DERA: variants seen among roughly 807,000 people sequenced by gnomAD.
The protein encoded by DERA is 2-deoxy-D-ribose 5-phosphate aldolase.
A neutral mutation model predicts 41.1 loss-of-function variants in DERA; 15 were observed. The ratio of observed to expected loss-of-function variants is 0.37; its 90% CI spans 0.24 to 0.56. The LOEUF (loss-of-function observed/expected upper bound fraction) is 0.56. DERA is among the 20% of genes least tolerant of loss of function. DERA has a pLI of 0.81. For missense variants in DERA, 396 were observed against 403.4 expected (o/e 0.98, Z 0.16); for synonymous variants, 139 against 137.4 (o/e 1.01, Z -0.08).
chr12:15,911,846 C>G lies in DERA; in HGVS notation c.31+432C>G. The G allele has an allele frequency of 2.2e-6, 1 of 452,646 alleles. No homozygotes were observed. Among genetic ancestry groups the G allele is most frequent in the South Asian group, 1.6e-5 (1 of 63,578 alleles). The allele number at this position is 452,646 out of a possible 1,614,324, so 28.0% of individuals were successfully genotyped here. A position where few individuals can be genotyped will look rare whatever the true frequency, so the allele number is the denominator to read the frequency against. On this transcript the variant is annotated intron_variant, in intron 1 of 8. Transcript: ENST00000428559. This position sits in a 1 kb window ranked among gnomAD's most constrained non-coding sequence, Gnocchi z 4.5. ...TTCCGTAGATAATTTTAACCGTAAC[C>G]TTGAAGTGGCCGTGCTCGTGGAAAA...
intron 4 of DERA, among the ~76,000 whole-genome samples, chr12:15,960,274 A>G (rs1197188786): frequency 6.7e-6 from 1 of 150,358 alleles, no homozygotes; most frequent in Non-Finnish European, 1.5e-5. Context: ...AACTATATAT[A>G]TAACTATATA....
rs2136146540 is a variant in DERA at position 15,956,992 on chromosome 12, G to A, written c.88G>A (p.Glu30Lys). 3 of 1,613,936 alleles carry A rather than the reference G, an allele frequency of 1.9e-6. No homozygotes were observed. In the East Asian group the frequency reaches 6.7e-5, roughly 36 times the overall value. Residue 30 changes from glutamate to lysine, a missense_variant, in exon 2 of 9, where the codon GAA (glutamate) becomes AAA (lysine). Coordinates refer to ENST00000428559, the MANE Select transcript of DERA (RefSeq NM_015954.4). Reference protein sequence around the residue: ...VNHPAVLRRAEQIQARRTVKK... With the variant: ...VNHPAVLRRAKQIQARRTVKK... Reference sequence around the variant, plus strand: ...TCACCCGGCAGTTCTGAGGCGTGCGGAACAAATCCAGGCTCGCAGAACCGT... The same window carrying A: ...TCACCCGGCAGTTCTGAGGCGTGCGAAACAAATCCAGGCTCGCAGAACCGT...
Position 15,987,230 on chromosome 12 carries a change from CTTTTTTTTTTTTTT to C in DERA, c.637+4805_637+4818del, listed in dbSNP as rs995016192. 2.2e-3 allele frequency among the ~76,000 whole-genome samples: 185 copies of C among 85,368 alleles called. 1 individual carries two copies. Among genetic ancestry groups the C allele is most frequent in the African/African-American group, 6.8e-3 (151 of 22,144 alleles). 56.0% of individuals were successfully genotyped at this position (85,368 alleles called of 152,430 possible). On this transcript the variant is annotated intron_variant, in intron 6 of 8. Transcript: ENST00000428559. ...ACGTTTTCAAAACCATATATATGTACTTTTTTTTTTTTTTTTTTTTTTTTGAGACATAGTCTGGC... is the reference window on the plus strand; with the variant it reads ...ACGTTTTCAAAACCATATATATGTACTTTTTTTTTTGAGACATAGTCTGGC...
intron 1 of DERA, among the ~76,000 whole-genome samples, chr12:15,950,348 T>G (rs1948488214): frequency 6.6e-6 from 1 of 152,198 alleles, no homozygotes; most frequent in Admixed American, 6.5e-5. Flanking sequence ...GCCATGGCAT[T>G]TGTAAACTGT....
chr12:15,919,042 A>G (rs1948222575), intron 1 of DERA, among the ~76,000 whole-genome samples: 2 of 152,286 alleles, frequency 1.3e-5, no homozygotes, highest in South Asian at 4.1e-4. Flanking sequence ...AATTATGTAC[A>G]TTTTAGATTT....
At chr12:16,023,269 G>A (rs956667338) in intron 6 of DERA, among the ~76,000 whole-genome samples, 1 of 152,022 alleles carries the variant, frequency 6.6e-6, no homozygotes, top group African/African-American at 2.4e-5. Flanking sequence ...GAATAAAGAG[G>A]GGAGATAAAA....
chr12:15,968,167 CATACAACA>C (rs1215631912), intron 5 of DERA, among the ~76,000 whole-genome samples: 1 of 151,204 alleles, frequency 6.6e-6, no homozygotes, highest in African/African-American at 2.4e-5. Flanking sequence ...GTTGAATTTA[CATACAACA>C]ATGTACGTAA....
Position 16,003,272 on chromosome 12 carries a change from AATC to A in DERA, c.637+20839_637+20841del. ...CTGGTGTTCTTTTTATAAGGACACT[AATC>A]ATATTGCAGTAGGAGCCTACCGTAC... On this transcript the variant is annotated intron_variant, in intron 6 of 8. Coordinates refer to ENST00000428559, the MANE Select transcript of DERA (RefSeq NM_015954.4). The surrounding 1 kb of genome is among the most constrained non-coding windows in gnomAD (Gnocchi z 4.8). Among the ~76,000 whole-genome samples the A allele has an allele frequency of 6.6e-6, 1 of 152,114 alleles. No homozygotes were observed. Among genetic ancestry groups the A allele is most frequent in the East Asian group, 1.9e-4 (1 of 5,178 alleles).
chr12:15,933,768 C>CTA (rs2136131762), intron 1 of DERA, among the ~76,000 whole-genome samples: 1 of 152,240 alleles, frequency 6.6e-6, no homozygotes, highest in African/African-American at 2.4e-5. Context: ...TTAATTTCTA[C>CTA]TAATCTATCA....
At chr12:16,007,189 G>GTTTT (rs11287161) in intron 6 of DERA, among the ~76,000 whole-genome samples, 1 of 105,010 alleles carries the variant, frequency 9.5e-6, no homozygotes, top group Non-Finnish European at 2.2e-5. Flanking sequence ...TTTTTTTTTT[G>GTTTT]TTTTTTTTTT....
Position 15,967,464 on chromosome 12 carries a change from C to T in DERA, c.508+4517C>T, listed in dbSNP as rs11609537. 0.31 allele frequency among the ~76,000 whole-genome samples: 46,988 copies of T among 152,058 alleles called. 8,111 individuals carry two copies. The highest frequency in any genetic ancestry group is 0.69 in the East Asian group (3,551 of 5,154). On this transcript the variant is annotated intron_variant, in intron 5 of 8. Coordinates refer to ENST00000428559, the MANE Select transcript of DERA (RefSeq NM_015954.4). The surrounding 1 kb of genome is among the most constrained non-coding windows in gnomAD (Gnocchi z 4.9). The stretch of plus-strand genomic sequence containing the variant: ...AACAAAAACTATTAAAAAGTGTTTT[C>T]ATTTCCCTGACTTTCTTAACAATTT...
intron 6 of DERA, 47 bp from the exon 7 acceptor site, chr12:16,032,495 A>C: frequency 8.8e-7 from 1 of 1,132,408 alleles, no homozygotes; most frequent in Non-Finnish European, 1.2e-6. Context: ...AAAAGTGTAA[A>C]AAAAGAATCT....
chr12:16,005,950 A>T (rs1334680677), intron 6 of DERA, among the ~76,000 whole-genome samples: 1 of 152,224 alleles, frequency 6.6e-6, no homozygotes, highest in East Asian at 1.9e-4. Flanking sequence ...AACCTTCCTT[A>T]CAATCTCTTT....
In DERA at chr12:15,936,932, T is replaced by C. The variant is rs367814817; in HGVS notation, c.32-20004T>C. On this transcript the variant is annotated intron_variant, in intron 1 of 8. Transcript: ENST00000428559. This position sits in a 1 kb window ranked among gnomAD's most constrained non-coding sequence, Gnocchi z 4.6. ...TGTCCTGTCCTGTCCTGTCCTGTCC[T>C]GTCTTGTCCTGTCCCGTCCTGTCCT... Among the ~76,000 whole-genome samples, 26,041 of 130,468 alleles carry C rather than the reference T, an allele frequency of 0.2. 3,009 individuals carry two copies. The highest frequency in any genetic ancestry group is 0.31 in the Admixed American group (4,307 of 13,820). The allele number at this position is 130,468 out of a possible 152,430, so 85.6% of individuals were successfully genotyped here.
rs905802283 is a variant in DERA at position 15,922,893 on chromosome 12, G to A, written c.31+11479G>A. Among the ~76,000 whole-genome samples, 1 of 152,062 alleles carries A rather than the reference G, an allele frequency of 6.6e-6. No individual in the cohort carries two copies. The highest frequency in any genetic ancestry group is 6.5e-5 in the Admixed American group (1 of 15,268). On this transcript the variant is annotated intron_variant, in intron 1 of 8. Coordinates refer to ENST00000428559, the MANE Select transcript of DERA (RefSeq NM_015954.4). This position sits in a 1 kb window ranked among gnomAD's most constrained non-coding sequence, Gnocchi z 4.9. ...TAAGGTTTATACCACTCTGGTGGGG[G>A]ATGTTGATAATGGGGGAGGCTATGC...
At chr12:15,932,401 G>T (rs1302786496) in intron 1 of DERA, among the ~76,000 whole-genome samples, 1 of 152,102 alleles carries the variant, frequency 6.6e-6, no homozygotes, top group Non-Finnish European at 1.5e-5. Context: ...CTGTCTCCCA[G>T]CACTTTGGGA....
intron 6 of DERA, among the ~76,000 whole-genome samples, chr12:16,002,224 A>T (rs966303147): frequency 6.7e-6 from 1 of 150,246 alleles, no homozygotes; most frequent in Non-Finnish European, 1.5e-5. Flanking sequence ...ATGAGTGAGA[A>T]CATGTGAACA....
chr12:15,942,987 G>T (rs986026170), intron 1 of DERA, among the ~76,000 whole-genome samples: 1 of 152,198 alleles, frequency 6.6e-6, no homozygotes, highest in Admixed American at 6.5e-5. Context: ...GCAGTAGTTG[G>T]ACCATATTGG....
Position 15,999,994 on chromosome 12 carries a change from C to G in DERA, c.637+17558C>G, listed in dbSNP as rs1411669294. Among the ~76,000 whole-genome samples the G allele has an allele frequency of 6.6e-6, 1 of 152,130 alleles. No homozygotes were observed. Among genetic ancestry groups the G allele is most frequent in the African/African-American group, 2.4e-5 (1 of 41,418 alleles). On this transcript the variant is annotated intron_variant, in intron 6 of 8. Transcript: ENST00000428559. The surrounding 1 kb of genome is among the most constrained non-coding windows in gnomAD (Gnocchi z 5.3). Reference sequence around the variant, plus strand: ...ACACTTCAGCTGACCATCACGAGCTCCTGAACTGAGATGCAATGCAGGCAA... The same window carrying G: ...ACACTTCAGCTGACCATCACGAGCTGCTGAACTGAGATGCAATGCAGGCAA...
Sources: allele counts gnomAD v4.1 joint callset (sites outside exome capture counted in the v4.1 genomes callset), GRCh38; gene constraint gnomAD v4.1.1; non-coding constraint Gnocchi (gnomAD v3.1); transcripts MANE v1.5; gene names NCBI Gene and HGNC (gene_info 2026-07-23, HGNC 2026-07-21).